Variants in GPC5 observed in about 807,000 individuals in gnomAD.
GPC5 encodes glypican 5.
GPC5 carries 47 observed loss-of-function variants against 53.9 expected under a neutral mutation model. The ratio of observed to expected loss-of-function variants is 0.87; its 90% CI spans 0.69 to 1.11. GPC5 has a LOEUF of 1.11. Among genes scored for constraint, GPC5 ranks in the 50% most tolerant of loss-of-function variants. The pLI, the probability that GPC5 is intolerant of heterozygous loss-of-function variation, is 0.00. For missense variants in GPC5, 748 were observed against 713.1 expected (o/e 1.05, Z -0.56); for synonymous variants, 286 against 263.3 (o/e 1.09, Z -0.84).
At chr13:92,787,542 G>A (rs1390440984) in intron 7 of GPC5, among the ~76,000 whole-genome samples, 2 of 151,464 alleles carry the variant, frequency 1.3e-5, no homozygotes, top group African/African-American at 4.9e-5. Flanking sequence ...TAGAATACAG[G>A]TAAGATGGGT....
At chr13:91,496,896 A>G (rs1161766110) in intron 2 of GPC5, among the ~76,000 whole-genome samples, 2 of 152,190 alleles carry the variant, frequency 1.3e-5, no homozygotes, top group Non-Finnish European at 1.5e-5. Flanking sequence ...CCATAAATAT[A>G]TGCACCTAAT....
At chr13:91,458,476 T>A (rs888530133) in intron 2 of GPC5, among the ~76,000 whole-genome samples, 1 of 152,044 alleles carries the variant, frequency 6.6e-6, no homozygotes, top group Non-Finnish European at 1.5e-5. Flanking sequence ...AATGTAGATA[T>A]ACAAATGATG....
chr13:91,714,822 T>C (rs915920210), intron 3 of GPC5, among the ~76,000 whole-genome samples: 1 of 152,136 alleles, frequency 6.6e-6, no homozygotes, highest in African/African-American at 2.4e-5. Flanking sequence ...GGAGGGTTTC[T>C]TGCTTTGCCC....
chr13:92,181,826 C>T (rs935733635), intron 7 of GPC5, among the ~76,000 whole-genome samples: 2 of 152,078 alleles, frequency 1.3e-5, no homozygotes, highest in African/African-American at 4.8e-5. Context: ...GGGCCTTATC[C>T]AGTCAATGGA....
intron 7 of GPC5, among the ~76,000 whole-genome samples, chr13:92,492,139 G>A (rs1043031268): frequency 5.3e-5 from 8 of 152,048 alleles, no homozygotes; most frequent in Non-Finnish European, 1.2e-4. Context: ...TATAGACTCA[G>A]TATTTTGCAG....
At chr13:92,232,078 T>C (rs888834328) in intron 7 of GPC5, among the ~76,000 whole-genome samples, 51 of 152,344 alleles carry the variant, frequency 3.3e-4, no homozygotes, top group African/African-American at 1.2e-3. Flanking sequence ...ACCTTATTAT[T>C]ATAAACTATT....
At position 92,528,792 on chromosome 13, in the gene GPC5, G is replaced by A. The variant is rs1881451321; in HGVS notation, c.1562-337490G>A. ...TCTATTTTAGTAGTGCTTTAAATAT[G>A]TCATTAAAATAATTCTTTCTTAATA... On this transcript the variant is annotated intron_variant, in intron 7 of 7. Coordinates refer to ENST00000377067, the MANE Select transcript of GPC5 (RefSeq NM_004466.6). Among the ~76,000 whole-genome samples the A allele has an allele frequency of 2.0e-5, 3 of 151,754 alleles. No homozygotes were observed. In the South Asian group the frequency reaches 6.2e-4, roughly 32 times the overall value.
chr13:91,446,167 C>A (rs1481963153), intron 1 of GPC5, among the ~76,000 whole-genome samples: 4 of 152,124 alleles, frequency 2.6e-5, no homozygotes, highest in Non-Finnish European at 5.9e-5. Flanking sequence ...ATAGTGAAAA[C>A]TATGCTGCCA....
At chr13:91,676,553 T>C (rs2139707405) in intron 2 of GPC5, among the ~76,000 whole-genome samples, 1 of 152,310 alleles carries the variant, frequency 6.6e-6, no homozygotes, top group Admixed American at 6.5e-5. Flanking sequence ...GGAAATTGTA[T>C]AGAATGTTTA....
chr13:91,533,536 G>A (rs937202655), intron 2 of GPC5, among the ~76,000 whole-genome samples: 1 of 152,152 alleles, frequency 6.6e-6, no homozygotes, highest in African/African-American at 2.4e-5. Context: ...GGAACAGACA[G>A]TGGCGGGGAA....
chr13:91,426,409 A>C (rs184368445), intron 1 of GPC5, among the ~76,000 whole-genome samples: 1 of 152,278 alleles, frequency 6.6e-6, no homozygotes, highest in Non-Finnish European at 1.5e-5. Flanking sequence ...AATAGGAGAG[A>C]TGTATATATA....
chr13:92,636,125 T>C (rs1390524212), intron 7 of GPC5, among the ~76,000 whole-genome samples: 1 of 152,222 alleles, frequency 6.6e-6, no homozygotes, highest in Non-Finnish European at 1.5e-5. Context: ...CTACTGAAGT[T>C]TGGATGATCT....
chr13:91,613,200 T>G (rs1278955991), intron 2 of GPC5, among the ~76,000 whole-genome samples: 1 of 152,192 alleles, frequency 6.6e-6, no homozygotes, highest in East Asian at 1.9e-4. Flanking sequence ...GATAAACACA[T>G]CCCGGCAATT....
Position 91,588,174 on chromosome 13 carries a change from A to C in GPC5, c.326-105013A>C, listed in dbSNP as rs866728490. On this transcript the variant is annotated intron_variant, in intron 2 of 7. Transcript: ENST00000377067. ...GTCTTTTCATCTACAGGTGATTTGCATTTTCAGAGACTGGCTAATGCTCAT... is the reference window on the plus strand; with the variant it reads ...GTCTTTTCATCTACAGGTGATTTGCCTTTTCAGAGACTGGCTAATGCTCAT... Among the ~76,000 whole-genome samples the C allele has an allele frequency of 5.9e-5, 9 of 152,232 alleles. 1 individual carries two copies. The South Asian group carries it at 1.9e-3, about 32-fold the overall frequency.
intron 5 of GPC5, among the ~76,000 whole-genome samples, chr13:91,862,511 C>T (rs1008421846): frequency 6.6e-6 from 1 of 152,072 alleles, no homozygotes; most frequent in Non-Finnish European, 1.5e-5. Context: ...ATGCCCACAA[C>T]GAAGAATTAT....
At chr13:92,099,383 C>A (rs2041447448) in intron 6 of GPC5, among the ~76,000 whole-genome samples, 1 of 152,140 alleles carries the variant, frequency 6.6e-6, no homozygotes. Flanking sequence ...ATCTTTGTGC[C>A]CTTGACATAT....
At chr13:92,267,746 A>G (rs1195192354) in intron 7 of GPC5, among the ~76,000 whole-genome samples, 1 of 152,048 alleles carries the variant, frequency 6.6e-6, no homozygotes, top group African/African-American at 2.4e-5. Context: ...ATACATTCAC[A>G]CTTGTTCATT....
At chr13:91,567,219 G>A (rs2031573918) in intron 2 of GPC5, among the ~76,000 whole-genome samples, 1 of 152,048 alleles carries the variant, frequency 6.6e-6, no homozygotes, top group Non-Finnish European at 1.5e-5. Flanking sequence ...ATTTTTAGGA[G>A]TGGTTCAACG....
At chr13:92,512,381 A>T (rs1218462514) in intron 7 of GPC5, among the ~76,000 whole-genome samples, 1 of 152,210 alleles carries the variant, frequency 6.6e-6, no homozygotes, top group East Asian at 1.9e-4. Context: ...ATACCACTGC[A>T]CTTAAAATGG....
Sources: gnomAD v4.1 joint callset for allele counts (sites outside exome capture counted in the v4.1 genomes callset) on GRCh38, gnomAD v4.1.1 for gene constraint, MANE v1.5 for transcripts, NCBI Gene and HGNC (gene_info 2026-07-23, HGNC 2026-07-21) for gene names.